The following EPHA5 variants were observed in gnomAD, a reference collection of about 807,000 sequenced individuals.
EPHA5 encodes the protein EPH receptor A5.
A neutral mutation model predicts 105.0 loss-of-function variants in EPHA5; 60 were observed. That is an observed-to-expected ratio of 0.57 (90% CI 0.46 to 0.71). The LOEUF is 0.71. EPHA5 is among the 30% of genes least tolerant of loss of function. EPHA5 has a pLI of 0.00. For missense variants in EPHA5, 1,218 were observed against 1,274.7 expected (o/e 0.96, Z 0.68); for synonymous variants, 513 against 449.1 (o/e 1.14, Z -1.80).
chr4:65,344,090 T>G (rs1368219751), intron 14 of EPHA5, among the ~76,000 whole-genome samples: 2 of 152,178 alleles, frequency 1.3e-5, no homozygotes, highest in African/African-American at 4.8e-5. Context: ...AAATGAACTT[T>G]TATTCACTTA....
At chr4:65,490,853 T>C in intron 4 of EPHA5, 141 bp from the exon 5 acceptor site, 1 of 951,342 alleles carries the variant, frequency 1.1e-6, no homozygotes, top group East Asian at 2.6e-5. Context: ...TTTGTTTTCA[T>C]AATTTTGTAG....
At chr4:65,367,985 C>G (rs530133537) in intron 8 of EPHA5, among the ~76,000 whole-genome samples, 1 of 152,098 alleles carries the variant, frequency 6.6e-6, no homozygotes, top group Admixed American at 6.6e-5. Flanking sequence ...ACCTTTGTCT[C>G]TCTTCGTTTT....
chr4:65,506,549 A>C (rs374318051), intron 3 of EPHA5, among the ~76,000 whole-genome samples: 1 of 144,482 alleles, frequency 6.9e-6, no homozygotes, highest in African/African-American at 2.6e-5. Context: ...ATTCTAACTG[A>C]TGTGAGATGG....
At chr4:65,638,253 G>C (rs1747331502) in intron 2 of EPHA5, among the ~76,000 whole-genome samples, 1 of 152,058 alleles carries the variant, frequency 6.6e-6, no homozygotes, top group Non-Finnish European at 1.5e-5. Context: ...TATATCATCT[G>C]TATTAGGCAA....
intron 3 of EPHA5, among the ~76,000 whole-genome samples, chr4:65,568,466 G>T (rs942848963): frequency 1.3e-5 from 2 of 150,892 alleles, no homozygotes; most frequent in Non-Finnish European, 3.0e-5. Flanking sequence ...ACTATAATTT[G>T]ATTTTAAATA....
chr4:65,575,400 A>G (rs1740795233), intron 3 of EPHA5, among the ~76,000 whole-genome samples: 1 of 152,170 alleles, frequency 6.6e-6, no homozygotes, highest in Admixed American at 6.5e-5. Flanking sequence ...TACTTTCGTA[A>G]CTCAACACAG....
chr4:65,348,146 T>G lies in EPHA5; in HGVS notation c.2503A>C (p.Thr835Pro). The G allele has an allele frequency of 6.2e-7, 1 of 1,613,784 alleles. No individual in the cohort carries two copies. Among genetic ancestry groups the G allele is most frequent in the Non-Finnish European group, 8.5e-7 (1 of 1,179,852 alleles). The part of the protein sequence containing the change: ...APEAIAFRKF[T>P]SASDVWSYGI... Reference sequence around the variant, plus strand: ...TAACTCCAGACATCACTGGCAGAAGTAAACTTTCGGAAAGCTATTGCTTCT... The same window carrying G: ...TAACTCCAGACATCACTGGCAGAAGGAAACTTTCGGAAAGCTATTGCTTCT... The change falls in exon 14 of 17, where the codon ACT becomes CCT. Residue 835 changes from threonine (T) to proline (P), a missense_variant. Transcript: ENST00000613740.
intron 1 of EPHA5, among the ~76,000 whole-genome samples, chr4:65,659,940 G>T (rs1749416040): frequency 6.6e-6 from 1 of 152,042 alleles, no homozygotes; most frequent in Admixed American, 6.6e-5. Context: ...AAAGGTAGAG[G>T]TGTCGACTTA....
intron 14 of EPHA5, among the ~76,000 whole-genome samples, chr4:65,344,778 G>T (rs899298104): frequency 6.6e-6 from 1 of 152,148 alleles, no homozygotes; most frequent in East Asian, 1.9e-4. Flanking sequence ...AGTAGTAAAT[G>T]GGTCTGGTCT....
intron 3 of EPHA5, among the ~76,000 whole-genome samples, chr4:65,574,679 CATATATATACATATATAT>C (rs1740661164): frequency 4.9e-5 from 3 of 61,096 alleles, no homozygotes; most frequent in East Asian, 9.9e-4. Context: ...CATATATATA[CATATATATACATATATAT>C]ACATATATAT....
At chr4:65,552,854 A>T (rs915352817) in intron 3 of EPHA5, among the ~76,000 whole-genome samples, 2 of 152,132 alleles carry the variant, frequency 1.3e-5, no homozygotes, top group African/African-American at 4.8e-5. Context: ...TTAACAGGAA[A>T]TATTCTTTTT....
chr4:65,336,220 T>G (rs1721172012), intron 14 of EPHA5, 95 bp from the exon 15 acceptor site: 2 of 963,690 alleles, frequency 2.1e-6, no homozygotes, highest in Admixed American at 6.9e-5. Context: ...TATCCTTTCT[T>G]ATCCTTACTC....
intron 8 of EPHA5, among the ~76,000 whole-genome samples, chr4:65,396,524 G>A (rs185609519): frequency 6.8e-4 from 104 of 152,254 alleles, no homozygotes; most frequent in Non-Finnish European, 1.0e-3. Flanking sequence ...GCCTTATCCC[G>A]TTGGAAGAAC....
chr4:65,410,851 G>A (rs2349726), intron 7 of EPHA5, among the ~76,000 whole-genome samples: 10,673 of 152,164 alleles, frequency 0.07, 594 homozygotes, highest in African/African-American at 0.15. Context: ...ATAAAAGGAA[G>A]TGATGCATTT....
chr4:65,433,882 A>C (rs1725229090), intron 5 of EPHA5, among the ~76,000 whole-genome samples: 1 of 152,090 alleles, frequency 6.6e-6, no homozygotes, highest in Admixed American at 6.5e-5. Flanking sequence ...CGTCTCTAAT[A>C]AAAATGCAAA....
intron 3 of EPHA5, among the ~76,000 whole-genome samples, chr4:65,571,647 A>C (rs1379190580): frequency 6.6e-6 from 1 of 152,064 alleles, no homozygotes; most frequent in Non-Finnish European, 1.5e-5. Context: ...ACCCACAAGA[A>C]CTTATGTTTT....
chr4:65,461,073 C>A (rs1223605167), intron 5 of EPHA5, among the ~76,000 whole-genome samples: 2 of 151,530 alleles, frequency 1.3e-5, no homozygotes, highest in Non-Finnish European at 3.0e-5. Context: ...TCATAAATAC[C>A]CTCATAATTA....
At chr4:65,610,332 C>T (rs1200065598) in intron 2 of EPHA5, among the ~76,000 whole-genome samples, 3 of 151,860 alleles carry the variant, frequency 2.0e-5, no homozygotes, top group Non-Finnish European at 4.4e-5. Context: ...CACAGGGACA[C>T]AAAGACAGGA....
intron 8 of EPHA5, among the ~76,000 whole-genome samples, chr4:65,391,235 C>A (rs1303792416): frequency 6.6e-6 from 1 of 152,016 alleles, no homozygotes; most frequent in African/African-American, 2.4e-5. Context: ...TGGGTGGGGA[C>A]ACAAAGCCTA....
Sources: gnomAD v4.1 joint callset for allele counts (sites outside exome capture counted in the v4.1 genomes callset) on GRCh38, gnomAD v4.1.1 for gene constraint, MANE v1.5 for transcripts, NCBI Gene and HGNC (gene_info 2026-07-23, HGNC 2026-07-21) for gene names.